ANKRD31: variants seen among roughly 807,000 people sequenced by gnomAD.
ANKRD31 encodes the protein ankyrin repeat domain-containing protein 31.
In ANKRD31, 147 loss-of-function variants were observed where a neutral mutation model predicts 186.0. The observed-to-expected ratio is 0.79, with a 90% CI of 0.69 to 0.91. The LOEUF is 0.91. Among genes scored for constraint, ANKRD31 ranks in the 40% least tolerant of loss-of-function variants. The probability of loss-of-function intolerance (pLI) is 0.00; values close to 1 mark genes in which losing one functional copy is unlikely to be tolerated. For missense variants in ANKRD31, 1,986 were observed against 2,148.8 expected (o/e 0.92, Z 1.50); for synonymous variants, 673 against 736.4 (o/e 0.91, Z 1.39).
chr5:75,137,789 A>T, intron 17 of ANKRD31, 67 bp downstream of exon 17: 1 of 1,296,270 alleles, frequency 7.7e-7, no homozygotes, highest in East Asian at 2.8e-5. Flanking sequence ...CAGTTTAAAA[A>T]ATCTTCATTT....
chr5:75,135,068 T>C (rs1750451445), intron 17 of ANKRD31, among the ~76,000 whole-genome samples: 1 of 152,168 alleles, frequency 6.6e-6, no homozygotes, highest in Non-Finnish European at 1.5e-5. Context: ...TCATACTGAA[T>C]GGGCAAAAAC....
At position 75,077,376 on chromosome 5, in the gene ANKRD31, T is replaced by A. The variant is rs188810876; in HGVS notation, c.5647+3192A>T. The stretch of plus-strand genomic sequence containing the variant: ...ATGAGTCACTGCACCTGGCCTAAAT[T>A]AATAATGTGATATAGATTTACATTA... On this transcript the variant is annotated intron_variant, in intron 25 of 25. Transcript: ENST00000506364. Among the ~76,000 whole-genome samples the A allele has an allele frequency of 2.1e-3, 314 of 152,210 alleles. 1 individual carries two copies. The highest frequency in any genetic ancestry group is 7.2e-3 in the African/African-American group (298 of 41,526).
In ANKRD31 at chr5:75,147,228, A is replaced by G. The variant is rs751676624; in HGVS notation, c.2183T>C (p.Ile728Thr). 6.5e-7 allele frequency: 1 copy of G among 1,536,138 alleles called. No homozygotes were observed. Among genetic ancestry groups the G allele is most frequent in the Middle Eastern group, 1.7e-4 (1 of 5,984 alleles). The part of the protein sequence containing the change: ...KDPNTNVPKG[I>T]GRRKTQHKRT... ...TTTATGTTGTGTTTTTCTTCTTCCT[A>G]TACCTTTTGGTACGTTTGTGTTGGG... Residue 728 changes from isoleucine to threonine, a missense_variant, in exon 14 of 26, where the codon ATA becomes ACA. Ile to Thr is a moderately conservative substitution (Grantham distance 89). Transcript: ENST00000506364.
chr5:75,128,677 T>A (rs1749464218), intron 17 of ANKRD31, among the ~76,000 whole-genome samples: 1 of 151,294 alleles, frequency 6.6e-6, no homozygotes, highest in African/African-American at 2.4e-5. Context: ...CTAATTTTTT[T>A]TTTTTTTTTG....
chr5:75,183,841 TGATCTATAGATTCAATGC>T (rs1202551996), intron 10 of ANKRD31, among the ~76,000 whole-genome samples: 2 of 152,078 alleles, frequency 1.3e-5, no homozygotes, highest in African/African-American at 4.8e-5. Flanking sequence ...AGATTCAATA[TGATCTATAGATTCAATGC>T]AATCTCTATC....
intron 25 of ANKRD31, among the ~76,000 whole-genome samples, chr5:75,070,381 G>T (rs1744128149): frequency 6.6e-6 from 1 of 152,016 alleles, no homozygotes; most frequent in Non-Finnish European, 1.5e-5. Context: ...GTTATGATTT[G>T]AAAAACTTAA....
At chr5:75,206,216 CAAAAAAAAAAAAAAAA>C (rs1191388849) in intron 5 of ANKRD31, among the ~76,000 whole-genome samples, 179 bp downstream of exon 5, 240 of 14,816 alleles carry the variant, frequency 0.016, 1 homozygote, top group South Asian at 0.071. Context: ...ACATCTCTAC[CAAAAAAAAAAAAAAAA>C]AAAAAAAAAA....
chr5:75,154,203 G>A lies in ANKRD31; in HGVS notation c.1850C>T (p.Ser617Leu). The stretch of plus-strand genomic sequence containing the variant: ...ATTACAGGGCAGTTTAATCTTACCT[G>A]ATGTAAGGCATTTTTGATGTTTAGG... The part of the protein sequence containing the change: ...YIPKHQKCLT[S>L]AQRSSIDPLD... The change falls in exon 12 of 26, where the codon TCA becomes TTA. Residue 617 changes from serine (S) to leucine (L), a missense_variant and splice_region_variant. Ser to Leu is a moderately radical substitution (Grantham distance 145). Coordinates refer to ENST00000506364, the MANE Select transcript of ANKRD31 (RefSeq NM_001372053.1). 6.6e-7 allele frequency: 1 copy of A among 1,516,102 alleles called. No homozygotes were observed. The highest frequency in any genetic ancestry group is 8.8e-7 in the Non-Finnish European group (1 of 1,136,200). The allele number at this position is 1,516,102 out of a possible 1,614,324, so 93.9% of individuals were successfully genotyped here.
At chr5:75,111,949 C>G (rs1475774204) in intron 20 of ANKRD31, among the ~76,000 whole-genome samples, 1 of 152,180 alleles carries the variant, frequency 6.6e-6, no homozygotes, top group African/African-American at 2.4e-5. Context: ...GTTACCATAG[C>G]TGGGTGAAGC....
intron 17 of ANKRD31, among the ~76,000 whole-genome samples, chr5:75,128,980 T>C (rs1749500692): frequency 6.6e-6 from 1 of 152,208 alleles, no homozygotes; most frequent in African/African-American, 2.4e-5. Context: ...CTAACATGGT[T>C]TGGCTTTGAG....
intron 12 of ANKRD31, among the ~76,000 whole-genome samples, chr5:75,151,054 T>C (rs1485358424): frequency 6.6e-6 from 1 of 151,996 alleles, no homozygotes; most frequent in Non-Finnish European, 1.5e-5. Flanking sequence ...CTCTTTACTA[T>C]AAAAGTAGAA....
At chr5:75,148,776 A>G (rs1187908129) in intron 12 of ANKRD31, 148 bp from the exon 13 acceptor site, 18 of 546,606 alleles carry the variant, frequency 3.3e-5, no homozygotes, top group Non-Finnish European at 5.7e-5. Flanking sequence ...CACATACAAC[A>G]TTCCTATAAG....
At position 75,142,331 on chromosome 5, in the gene ANKRD31, T is replaced by C. The variant is rs572371943; in HGVS notation, c.3595+1670A>G. ...GGATTTCCTGGAGTGATCTTTAATGTTCTTATCTTTTCTCTCCTATTTTCA... is the reference window on the plus strand; with the variant it reads ...GGATTTCCTGGAGTGATCTTTAATGCTCTTATCTTTTCTCTCCTATTTTCA... On this transcript the variant is annotated intron_variant, in intron 15 of 25. Coordinates refer to ENST00000506364, the MANE Select transcript of ANKRD31 (RefSeq NM_001372053.1). Among the ~76,000 whole-genome samples the C allele has an allele frequency of 3.3e-5, 5 of 152,228 alleles. No individual in the cohort carries two copies. The South Asian group carries it at 1.0e-3, about 32-fold the overall frequency.
At chr5:75,157,403 T>C (rs1290056774) in intron 11 of ANKRD31, among the ~76,000 whole-genome samples, 3 of 152,106 alleles carry the variant, frequency 2.0e-5, no homozygotes, top group East Asian at 3.9e-4. Flanking sequence ...TTGGGGATTA[T>C]AGTAAAATGT....
chr5:75,127,428 A>G (rs2150101935), intron 17 of ANKRD31, among the ~76,000 whole-genome samples: 1 of 152,238 alleles, frequency 6.6e-6, no homozygotes, highest in South Asian at 2.1e-4. Context: ...AAAGTACAGG[A>G]CAGCACTCTT....
At chr5:75,227,239 T>C (rs1333910893) in intron 2 of ANKRD31, among the ~76,000 whole-genome samples, 3 of 151,960 alleles carry the variant, frequency 2.0e-5, no homozygotes, top group Non-Finnish European at 4.4e-5. Flanking sequence ...ATTGAACTCA[T>C]GGAGATAAGG....
intron 11 of ANKRD31, among the ~76,000 whole-genome samples, chr5:75,166,160 T>C (rs1030293979): frequency 2.0e-5 from 3 of 152,136 alleles, no homozygotes; most frequent in African/African-American, 7.2e-5. Context: ...TAATGTATAA[T>C]CAATTTTCAC....
chr5:75,143,316 T>A (rs932649458), intron 15 of ANKRD31, among the ~76,000 whole-genome samples: 1 of 152,080 alleles, frequency 6.6e-6, no homozygotes, highest in Non-Finnish European at 1.5e-5. Flanking sequence ...CTATATAAGG[T>A]AATAGTCACA....
rs191064245 is a variant in ANKRD31 at position 75,213,528 on chromosome 5, G to C, written c.289-2663C>G. Among the ~76,000 whole-genome samples the C allele has an allele frequency of 5.9e-5, 9 of 152,306 alleles. 1 individual carries two copies. The highest frequency in any genetic ancestry group is 4.6e-4 in the Admixed American group (7 of 15,300). ...AGAGCTAATGCCATTGAATACAAGT[G>C]GGGGCTGGAGCTGTTAATTTGTTAA... On this transcript the variant is annotated intron_variant, in intron 3 of 25. Coordinates refer to ENST00000506364, the MANE Select transcript of ANKRD31 (RefSeq NM_001372053.1).
Sources: gnomAD v4.1 joint callset for allele counts (sites outside exome capture counted in the v4.1 genomes callset) on GRCh38, gnomAD v4.1.1 for gene constraint, MANE v1.5 for transcripts, NCBI Gene and HGNC (gene_info 2026-07-23, HGNC 2026-07-21) for gene names.